Variants in ASXL2 observed in about 807,000 individuals in gnomAD.
ASXL2 encodes the protein putative Polycomb group protein ASXL2.
A neutral mutation model predicts 122.0 loss-of-function variants in ASXL2; 23 were observed. The observed-to-expected ratio is 0.19, with a 90% CI of 0.14 to 0.27. The LOEUF (loss-of-function observed/expected upper bound fraction) is 0.27. ASXL2 is among the 10% of genes least tolerant of loss of function. The pLI is 1.00. For missense variants in ASXL2, 1,518 were observed against 1,713.8 expected (o/e 0.89, Z 2.02); for synonymous variants, 650 against 637.0 (o/e 1.02, Z -0.31).
intron 7 of ASXL2, 95 bp from the exon 8 acceptor site, chr2:25,767,821 T>G: frequency 7.1e-7 from 1 of 1,399,902 alleles, no homozygotes; most frequent in Non-Finnish European, 9.9e-7. Flanking sequence ...TGAAGTTATG[T>G]ATGAGGCAAT....
chr2:25,850,835 G>A (rs1253913228), intron 1 of ASXL2, among the ~76,000 whole-genome samples: 1 of 152,040 alleles, frequency 6.6e-6, no homozygotes, highest in Non-Finnish European at 1.5e-5. Context: ...GGTTACCCGA[G>A]GTACAATTCA....
At chr2:25,808,623 C>A (rs894290350) in intron 3 of ASXL2, among the ~76,000 whole-genome samples, 2 of 152,176 alleles carry the variant, frequency 1.3e-5, no homozygotes, top group Non-Finnish European at 2.9e-5. Flanking sequence ...TTAGCCACTG[C>A]GCCTGGCCAA....
rs761484191 is a variant in ASXL2 at position 25,744,416 on chromosome 2, G to C, written c.1921C>G (p.Arg641Gly). Residue 641 changes from arginine to glycine, a missense_variant, in exon 13 of 13, where the codon CGT becomes GGT. Around this residue, in one of 8 missense-constraint regions of ASXL2, gnomAD observed 292 missense variants for 293.5 expected, o/e 1.00. Transcript: ENST00000435504. The surrounding 1 kb of genome is among the most constrained non-coding windows in gnomAD (Gnocchi z 4.7). ...GGACTAGTGATGGAGACTGGAAAAC[G>C]AGCCCTGGGAGAGACCTGCGATGGA... is the stretch of plus-strand genomic sequence containing the variant. ...FHPSQVSPRA[R>G]FPVSITSPNR... 3.1e-6 allele frequency: 5 copies of C among 1,613,250 alleles called. No homozygotes were observed. In the South Asian group the frequency reaches 4.4e-5, roughly 14 times the overall value.
chr2:25,817,033 G>A (rs535019493), intron 3 of ASXL2, among the ~76,000 whole-genome samples: 1 of 152,164 alleles, frequency 6.6e-6, no homozygotes, highest in African/African-American at 2.4e-5. Flanking sequence ...GCTAAGGCAT[G>A]AGAATTGCTT....
chr2:25,785,811 G>A (rs535497302), intron 5 of ASXL2, among the ~76,000 whole-genome samples: 52 of 152,126 alleles, frequency 3.4e-4, no homozygotes, highest in Non-Finnish European at 6.5e-4. Context: ...GCCTCCCAAA[G>A]TGCTGGGATT....
At chr2:25,771,412 T>G (rs2088452086) in intron 6 of ASXL2, 28 bp downstream of exon 6, 1 of 1,570,894 alleles carries the variant, frequency 6.4e-7, no homozygotes, top group Non-Finnish European at 8.7e-7. Flanking sequence ...GAAATTCTAC[T>G]TGATAAATAC....
intron 2 of ASXL2, among the ~76,000 whole-genome samples, chr2:25,835,767 G>A (rs2089503300): frequency 6.6e-6 from 1 of 152,124 alleles, no homozygotes; most frequent in Non-Finnish European, 1.5e-5. Flanking sequence ...TAGCTAAACA[G>A]TCTAAACTAC....
chr2:25,858,436 T>G (rs1051299756), intron 1 of ASXL2, among the ~76,000 whole-genome samples: 2 of 151,952 alleles, frequency 1.3e-5, no homozygotes, highest in African/African-American at 4.8e-5. Context: ...AAAAAAAATT[T>G]TTTTTTGGAC....
intron 5 of ASXL2, among the ~76,000 whole-genome samples, chr2:25,787,228 T>C (rs974974652): frequency 6.6e-6 from 1 of 152,208 alleles, no homozygotes; most frequent in Non-Finnish European, 1.5e-5. Context: ...TTCAGGGTTA[T>C]GTTTGCAGTT....
intron 3 of ASXL2, chr2:25,823,052 TGTATTTGC>T: frequency 2.2e-6 from 1 of 461,276 alleles, no homozygotes; most frequent in South Asian, 1.7e-5. Context: ...AGGCAGATGC[TGTATTTGC>T]CTACTTTGAC....
intron 11 of ASXL2, among the ~76,000 whole-genome samples, chr2:25,752,387 A>C (rs907974118): frequency 6.6e-6 from 1 of 152,202 alleles, no homozygotes. Context: ...AACAGAATTT[A>C]TATCTTGATT....
chr2:25,792,589 T>C (rs1213240247), intron 5 of ASXL2, among the ~76,000 whole-genome samples: 1 of 151,976 alleles, frequency 6.6e-6, no homozygotes, highest in Non-Finnish European at 1.5e-5. Flanking sequence ...CAAAGAGTAA[T>C]CTAGTAAATA....
intron 5 of ASXL2, among the ~76,000 whole-genome samples, chr2:25,777,376 A>G (rs561711118): frequency 6.6e-6 from 1 of 152,220 alleles, no homozygotes; most frequent in South Asian, 2.1e-4. Context: ...CACATGGCTC[A>G]CACCTATAAT....
At chr2:25,757,473 C>CT (rs2088154728) in intron 9 of ASXL2, among the ~76,000 whole-genome samples, 1 of 130,332 alleles carries the variant, frequency 7.7e-6, no homozygotes, top group African/African-American at 2.9e-5. Flanking sequence ...CCCGTCTCTA[C>CT]TAAAAAAAAA....
rs1574391513 is a variant in ASXL2 at position 25,744,494 on chromosome 2, G to A, written c.1861-18C>T. 2.6e-6 allele frequency: 4 copies of A among 1,565,976 alleles called. No homozygotes were observed. The highest frequency in any genetic ancestry group is 3.4e-6 in the Non-Finnish European group (4 of 1,165,688). On this transcript the variant is annotated intron_variant, in intron 12 of 12. Coordinates refer to ENST00000435504, the MANE Select transcript of ASXL2 (RefSeq NM_018263.6). This position sits in a 1 kb window ranked among gnomAD's most constrained non-coding sequence, Gnocchi z 4.7. ...ACCGGGATCTGAAAGAAGTAGAGGGGAAAAAAACAACAGAGCTTAGTTTTC... is the reference window on the plus strand; with the variant it reads ...ACCGGGATCTGAAAGAAGTAGAGGGAAAAAAAACAACAGAGCTTAGTTTTC...
At chr2:25,772,269 C>T (rs993880205) in intron 5 of ASXL2, among the ~76,000 whole-genome samples, 1 of 151,978 alleles carries the variant, frequency 6.6e-6, no homozygotes, top group Non-Finnish European at 1.5e-5. Context: ...ACAGAAATTG[C>T]TGATTCAGTA....
intron 9 of ASXL2, among the ~76,000 whole-genome samples, chr2:25,759,058 G>A (rs751192294): frequency 3.9e-5 from 6 of 151,938 alleles, no homozygotes; most frequent in South Asian, 2.1e-4. Flanking sequence ...AGGTTCAAGC[G>A]ATTCTCCTGG....
intron 4 of ASXL2, among the ~76,000 whole-genome samples, chr2:25,801,223 C>T (rs2088992850): frequency 6.6e-6 from 1 of 152,258 alleles, no homozygotes; most frequent in Non-Finnish European, 1.5e-5. Context: ...GCGTGTGCCA[C>T]TGCGCCTAGC....
At chr2:25,808,588 T>C (rs545822588) in intron 3 of ASXL2, among the ~76,000 whole-genome samples, 95 of 152,296 alleles carry the variant, frequency 6.2e-4, no homozygotes, top group Non-Finnish European at 1.2e-3. Context: ...CACCTCAGCC[T>C]CCCAGAGTGC....
Sources: allele counts gnomAD v4.1 joint callset (sites outside exome capture counted in the v4.1 genomes callset), GRCh38; gene constraint gnomAD v4.1.1; regional missense constraint gnomAD v4.1.1; non-coding constraint Gnocchi (gnomAD v3.1); transcripts MANE v1.5; gene names NCBI Gene and HGNC (gene_info 2026-07-23, HGNC 2026-07-21).